AGBL2: variants seen among roughly 807,000 people sequenced by gnomAD.
AGBL2 encodes the protein AGBL carboxypeptidase 2, also known as cytosolic carboxypeptidase 2.
A neutral mutation model predicts 103.0 loss-of-function variants in AGBL2; 87 were observed. The observed-to-expected ratio is 0.84, with a 90% CI of 0.71 to 1.01. The LOEUF is 1.01. Among genes scored for constraint, AGBL2 ranks in the 50% least tolerant of loss-of-function variants. The pLI is 0.00. For synonymous variants in AGBL2, 335 were observed against 356.7 expected, an observed-to-expected ratio of 0.94 and a Z score of 0.69; for missense variants, 904 against 1,023.5, an observed-to-expected ratio of 0.88 and a Z score of 1.59.
In AGBL2 at chr11:47,690,495, T is replaced by C. The variant is rs1565054275; in HGVS notation, c.1212A>G (p.Gln404=). 4 of 1,614,124 alleles carry C rather than the reference T, an allele frequency of 2.5e-6. No homozygotes were observed. The highest frequency in any genetic ancestry group is 1.1e-5 in the South Asian group (1 of 91,074). The change falls in exon 10 of 19, where the codon CAA becomes CAG. Residue 404 remains glutamine (Q), a synonymous_variant. Coordinates refer to ENST00000525123, the MANE Select transcript of AGBL2 (RefSeq NM_024783.4). ...TGTTTGCCACTGACAGGAGGTAGCATTGCAAATCAGTGTATGTATATGGGT... is the reference window on the plus strand; with the variant it reads ...TGTTTGCCACTGACAGGAGGTAGCACTGCAAATCAGTGTATGTATATGGGT... ...HFYPYTYTDL[Q]CYLLSVANNP...
At chr11:47,707,072 G>A in intron 4 of AGBL2, among the ~76,000 whole-genome samples, 1 of 150,290 alleles carries the variant, frequency 6.7e-6, no homozygotes, top group African/African-American at 2.4e-5. Flanking sequence ...GGTGGCACGT[G>A]CCTGTAATCC....
At chr11:47,689,189 C>T (rs1444650251) in intron 10 of AGBL2, among the ~76,000 whole-genome samples, 1 of 151,894 alleles carries the variant, frequency 6.6e-6, no homozygotes, top group African/African-American at 2.4e-5. Context: ...AATATAAGAT[C>T]GTAAAAGGAA....
chr11:47,682,198 T>A (rs954226188), intron 11 of AGBL2, 103 bp from the exon 12 acceptor site: 3 of 1,186,914 alleles, frequency 2.5e-6, no homozygotes, highest in Non-Finnish European at 3.6e-6. Flanking sequence ...GGTCCATATG[T>A]TATTTCCCAA....
In AGBL2 at chr11:47,668,835, G is replaced by A. The variant is rs749633475; in HGVS notation, c.2214+6C>T. The A allele has an allele frequency of 1.2e-6, 2 of 1,610,732 alleles. No homozygotes were observed. The highest frequency in any genetic ancestry group is 2.7e-5 in the African/African-American group (2 of 74,814). ...GCTATTTCCTGGGTATAAGAGTTCA[G>A]CTTACCTCATCTGCTATGTTTGCTA... On this transcript the variant is annotated splice_donor_region_variant and intron_variant, in intron 15 of 18. Coordinates refer to ENST00000525123, the MANE Select transcript of AGBL2 (RefSeq NM_024783.4).
rs2153804257 is a variant in AGBL2, at chr11:47,690,759, A to G, written c.948T>C (p.Ala316=). The G allele has an allele frequency of 6.2e-7, 1 of 1,614,134 alleles. No homozygotes were observed. Among genetic ancestry groups the G allele is most frequent in the South Asian group, 1.1e-5 (1 of 91,088 alleles). ...AGTTGACAATGGTGAAGCGATAGGTAGCATCTTTTCTGGTGTTCTGAACAC... is the reference window on the plus strand; with the variant it reads ...AGTTGACAATGGTGAAGCGATAGGTGGCATCTTTTCTGGTGTTCTGAACAC... ...YFRVQNTRKD[A]TYRFTIVNLL... The change falls in exon 10 of 19, where the codon GCT becomes GCC. Residue 316 remains alanine, a synonymous_variant. Transcript: ENST00000525123.
At chr11:47,683,182 C>T (rs2097408636) in intron 11 of AGBL2, among the ~76,000 whole-genome samples, 1 of 151,884 alleles carries the variant, frequency 6.6e-6, no homozygotes, top group Non-Finnish European at 1.5e-5. Context: ...ACCAGCCTGG[C>T]CAAGATGGCG....
rs1286624531 is a variant in AGBL2, at chr11:47,668,907, G to C, written c.2148C>G (p.Ser716Arg). ...AGAGAGAACTGTCAGAGCCACTGGT[G>C]CTGTTTCCAAAAGAAAAAAAGAAGA... ...SDISLSDIES[S>R]TSGSDSSLSD... The change falls in exon 15 of 19, where the codon AGC becomes AGG. Residue 716 changes from serine (S) to arginine (R), a missense_variant and splice_region_variant. Physicochemically the swap from Ser to Arg is moderately radical, Grantham distance 110 (BLOSUM62 -1). Coordinates refer to ENST00000525123, the MANE Select transcript of AGBL2 (RefSeq NM_024783.4). 1 of 1,611,372 alleles carries C rather than the reference G, an allele frequency of 6.2e-7. No homozygotes were observed. Among genetic ancestry groups the C allele is most frequent in the South Asian group, 1.1e-5 (1 of 91,016 alleles).
At chr11:47,691,853 T>C (rs2097448736) in intron 9 of AGBL2, among the ~76,000 whole-genome samples, 1 of 147,794 alleles carries the variant, frequency 6.8e-6, no homozygotes, top group African/African-American at 2.5e-5. Flanking sequence ...TATAGGACTT[T>C]TTATGTTACA....
chr11:47,706,389 G>A (rs1264703838), intron 4 of AGBL2, among the ~76,000 whole-genome samples: 1 of 152,078 alleles, frequency 6.6e-6, no homozygotes, highest in East Asian at 1.9e-4. Flanking sequence ...GGTGGCAGGC[G>A]CCTGTAGCTC....
intron 13 of AGBL2, among the ~76,000 whole-genome samples, chr11:47,678,453 C>T (rs987501015): frequency 6.6e-6 from 1 of 150,886 alleles, no homozygotes; most frequent in Non-Finnish European, 1.5e-5. Flanking sequence ...CCTGCCTCAG[C>T]CTCCCGAGCA....
intron 4 of AGBL2, among the ~76,000 whole-genome samples, chr11:47,707,444 AT>A (rs1425368067): frequency 6.6e-6 from 1 of 152,188 alleles, no homozygotes; most frequent in African/African-American, 2.4e-5. Flanking sequence ...CATGTCTTAA[AT>A]AAATGGCACC....
At chr11:47,667,436 G>A (rs1268624289) in intron 16 of AGBL2, 135 bp downstream of exon 16, 3 of 1,179,620 alleles carry the variant, frequency 2.5e-6, no homozygotes, top group South Asian at 1.5e-5. Flanking sequence ...GGTTCTGATC[G>A]CAAAACAGAA....
chr11:47,687,661 G>A (rs975814757), intron 10 of AGBL2, among the ~76,000 whole-genome samples: 3 of 151,898 alleles, frequency 2.0e-5, no homozygotes, highest in African/African-American at 4.8e-5. Context: ...ATGATTGTAC[G>A]CTTCCTGAGG....
intron 18 of AGBL2, among the ~76,000 whole-genome samples, chr11:47,661,448 G>T (rs1299206253): frequency 6.6e-6 from 1 of 152,066 alleles, no homozygotes; most frequent in African/African-American, 2.4e-5. Context: ...GTCATAATAT[G>T]GTGATTGGAC....
chr11:47,680,006 G>C lies in AGBL2; in HGVS notation c.1983C>G (p.Thr661=), dbSNP rs142525566. 194 of 1,612,482 alleles carry C rather than the reference G, an allele frequency of 1.2e-4. No homozygotes were observed. In the African/African-American group the frequency reaches 2.5e-3, roughly 21 times the overall value. The change falls in exon 13 of 19, where the codon ACC becomes ACG. Residue 661 remains threonine (T), a synonymous_variant. Coordinates refer to ENST00000525123, the MANE Select transcript of AGBL2 (RefSeq NM_024783.4). ...LKSLGYHVCD[T]LLDFCDPDQM... Reference sequence around the variant, plus strand: ...GGTCAGGATCACAAAAGTCCAGAAGGGTGTCACAGACATGATAACCTAAGG... The same window carrying C: ...GGTCAGGATCACAAAAGTCCAGAAGCGTGTCACAGACATGATAACCTAAGG...
chr11:47,699,640 TTCAA>T, intron 7 of AGBL2, 87 bp from the exon 8 acceptor site: 2 of 704,770 alleles, frequency 2.8e-6, no homozygotes, highest in Non-Finnish European at 4.4e-6. Context: ...ATAATAATTT[TTCAA>T]ATGGCTAGTT....
intron 10 of AGBL2, among the ~76,000 whole-genome samples, chr11:47,686,445 T>TA (rs1565044586): frequency 7.4e-6 from 1 of 135,348 alleles, no homozygotes; most frequent in African/African-American, 2.7e-5. Context: ...TTTTTGTTTC[T>TA]GGTTTTTTTT....
At chr11:47,684,944 C>T (rs1441042744) in intron 11 of AGBL2, among the ~76,000 whole-genome samples, 2 of 152,126 alleles carry the variant, frequency 1.3e-5, no homozygotes, top group South Asian at 2.1e-4. Context: ...CAGTAGCTCA[C>T]GCCTGTAATC....
Position 47,714,351 on chromosome 11 carries a change from T to C in AGBL2, c.34-4A>G. 3 of 1,612,186 alleles carry C rather than the reference T, an allele frequency of 1.9e-6. No homozygotes were observed. Among genetic ancestry groups the C allele is most frequent in the Non-Finnish European group, 2.5e-6 (3 of 1,178,866 alleles). On this transcript the variant is annotated splice_polypyrimidine_tract_variant and splice_region_variant and intron_variant, in intron 2 of 18. Transcript: ENST00000525123. The stretch of plus-strand genomic sequence containing the variant: ...CTTCATAAGGATCAGGAATAGTCTG[T>C]GAAAGGAAAGGCCACTTCAATCAAG...
Sources: gnomAD v4.1 joint callset for allele counts (sites outside exome capture counted in the v4.1 genomes callset) on GRCh38, gnomAD v4.1.1 for gene constraint, MANE v1.5 for transcripts, NCBI Gene and HGNC (gene_info 2026-07-23, HGNC 2026-07-21) for gene names.